The following TMC6 variants were observed in gnomAD, a reference collection of about 807,000 sequenced individuals.
TMC6 encodes transmembrane channel like 6.
In TMC6, 71 loss-of-function variants were observed where a neutral mutation model predicts 95.4. That is an observed-to-expected ratio of 0.74 (90% CI 0.61 to 0.91). TMC6 has a LOEUF of 0.91. Ranked by LOEUF, TMC6 falls within the 40% of genes least tolerant of loss-of-function variation. TMC6 has a pLI of 0.00. For missense variants in TMC6, 1,074 were observed against 1,079.1 expected (o/e 1.00, Z 0.07); for synonymous variants, 514 against 483.1 (o/e 1.06, Z -0.84).
chr17:78,122,487 C>T lies in TMC6; in HGVS notation c.1227+118G>A. On this transcript the variant is annotated intron_variant, in intron 10 of 19. Transcript: ENST00000590602. The surrounding 1 kb of genome is among the most constrained non-coding windows in gnomAD (Gnocchi z 4.9). Reference sequence around the variant, plus strand: ...CGCCTGCCCAGCGCCCCGAGTTCAGCTCACGGACAGCTGGCCCTCCCTCTA... The same window carrying T: ...CGCCTGCCCAGCGCCCCGAGTTCAGTTCACGGACAGCTGGCCCTCCCTCTA... The T allele has an allele frequency of 2.0e-6, 3 of 1,480,108 alleles. No individual in the cohort carries two copies. Among genetic ancestry groups the T allele is most frequent in the Non-Finnish European group, 2.7e-6 (3 of 1,101,866 alleles). The allele number at this position is 1,480,108 out of a possible 1,614,324, so 91.7% of individuals were successfully genotyped here. A position where few individuals can be genotyped will look rare whatever the true frequency, so the allele number is the denominator to read the frequency against.
Position 78,122,456 on chromosome 17 carries a change from A to G in TMC6, c.1227+149T>C. 2 of 1,198,066 alleles carry G rather than the reference A, an allele frequency of 1.7e-6. No homozygotes were observed. Among genetic ancestry groups the G allele is most frequent in the Non-Finnish European group, 2.3e-6 (2 of 868,790 alleles). The allele number at this position is 1,198,066 out of a possible 1,614,324, so 74.2% of individuals were successfully genotyped here. On this transcript the variant is annotated intron_variant, in intron 10 of 19. Transcript: ENST00000590602. This position sits in a 1 kb window ranked among gnomAD's most constrained non-coding sequence, Gnocchi z 4.9. ...GGGCCTGCCCGTCACTGCAAGCAGA[A>G]GACCACGCCTGCCCAGCGCCCCGAG...
chr17:78,110,263 C>G lies in TMC6; in HGVS notation c.*2885G>C, dbSNP rs1241980070. The G allele has an allele frequency of 6.6e-6, 1 of 151,986 alleles. No individual in the cohort carries two copies. Among genetic ancestry groups the G allele is most frequent in the Non-Finnish European group, 1.5e-5 (1 of 68,116 alleles). The allele number at this position is 151,986 out of a possible 1,614,324, so 9.4% of individuals were successfully genotyped here. ...GTGGTTCATGTCTGTAATCCCAGCA[C>G]TTTGGGAGGCCGAGGCGGGCAGATC... On this transcript the variant is annotated 3_prime_UTR_variant, in exon 20 of 20. Coordinates refer to ENST00000590602, the MANE Select transcript of TMC6 (RefSeq NM_001127198.5).
At chr17:78,130,037 C>A (rs542093458), upstream of TMC6, among the ~76,000 whole-genome samples, 1 of 152,310 alleles carries the variant, frequency 6.6e-6, no homozygotes, top group Non-Finnish European at 1.5e-5. Context: ...CCTGAGATGA[C>A]TGGGCCCTAT....
chr17:78,116,756 TGTACTCCCA>T, intron 18 of TMC6, among the ~76,000 whole-genome samples: 1 of 152,270 alleles, frequency 6.6e-6, no homozygotes, highest in East Asian at 1.9e-4. Context: ...CGGCAGGCCC[TGTACTCCCA>T]GCTACTCGGG....
At chr17:78,114,824 A>G (rs1453160931) in intron 18 of TMC6, among the ~76,000 whole-genome samples, 1 of 152,200 alleles carries the variant, frequency 6.6e-6, no homozygotes, top group Non-Finnish European at 1.5e-5. Context: ...ACTCAGACCG[A>G]CAGCCCCAAA....
Position 78,122,672 on chromosome 17 carries a change from C to A in TMC6, c.1160G>T (p.Trp387Leu). Reference protein sequence around the residue: ...GIHAITVFCSWDYKVTQKRAS... With the variant: ...GIHAITVFCSLDYKVTQKRAS... ...CCGCTTCTGCGTCACCTTGTAGTCC[C>A]AGGAGCAGAAGACGGTGATGGCGTG... The change falls in exon 10 of 20, where the codon TGG becomes TTG. Residue 387 changes from tryptophan to leucine, a missense_variant. By Grantham distance (61) the Trp-to-Leu change is moderately conservative. Coordinates refer to ENST00000590602, the MANE Select transcript of TMC6 (RefSeq NM_001127198.5). This position sits in a 1 kb window ranked among gnomAD's most constrained non-coding sequence, Gnocchi z 4.9. 6.2e-7 allele frequency: 1 copy of A among 1,612,170 alleles called. No homozygotes were observed.
At chr17:78,118,576 A>AT (rs57053096) in intron 15 of TMC6, among the ~76,000 whole-genome samples, 1 of 147,976 alleles carries the variant, frequency 6.8e-6, no homozygotes, top group Non-Finnish European at 1.5e-5. Flanking sequence ...ATAAAATAAA[A>AT]AGACAGGAGC....
intron 18 of TMC6, among the ~76,000 whole-genome samples, chr17:78,115,614 G>GAGGGGCGAAGGGAGTGGGGCAC (rs1555651456): frequency 1.4e-5 from 2 of 140,190 alleles, no homozygotes; most frequent in African/African-American, 5.4e-5. Flanking sequence ...CCTGGGCAGA[G>GAGGGGCGAAGGGAGTGGGGCAC]AGGAGCGAAG....
rs1555651456 is a variant in TMC6, at chr17:78,115,614, G to GAGGGGCGAAGGGAGTGGGCAC, written c.2277+1654_2277+1655insGTGCCCACTCCCTTCGCCCCT. ...GGGCAAGGAGGTCCTCCTGGGCAGA[G>GAGGGGCGAAGGGAGTGGGCAC]AGGAGCGAAGGGAGTGGGCACAGGG... On this transcript the variant is annotated intron_variant, in intron 18 of 19. Coordinates refer to ENST00000590602, the MANE Select transcript of TMC6 (RefSeq NM_001127198.5). Among the ~76,000 whole-genome samples the GAGGGGCGAAGGGAGTGGGCAC allele has an allele frequency of 1.8e-3, 253 of 140,302 alleles. 13 individuals are homozygous for GAGGGGCGAAGGGAGTGGGCAC. Among genetic ancestry groups the GAGGGGCGAAGGGAGTGGGCAC allele is most frequent in the African/African-American group, 4.7e-3 (176 of 37,326 alleles). The allele number at this position is 140,302 out of a possible 152,430, so 92.0% of individuals were successfully genotyped here.
intron 13 of TMC6, chr17:78,119,971 T>C (rs1039996612): frequency 1.4e-4 from 52 of 367,906 alleles, no homozygotes; most frequent in African/African-American, 1.1e-3. Context: ...TTTAATCTTA[T>C]TTTTTATTAT....
Position 78,121,443 on chromosome 17 carries a change from C to T in TMC6, c.1383+113G>A, listed in dbSNP as rs1190789422. The T allele has an allele frequency of 1.3e-6, 2 of 1,550,080 alleles. No homozygotes were observed. The highest frequency in any genetic ancestry group is 2.7e-5 in the African/African-American group (2 of 73,470). On this transcript the variant is annotated intron_variant, in intron 11 of 19. Transcript: ENST00000590602. This position sits in a 1 kb window ranked among gnomAD's most constrained non-coding sequence, Gnocchi z 5.6. The stretch of plus-strand genomic sequence containing the variant: ...GCACGGGGCACAGCGTACGTGGCAC[C>T]CTGGGCTGGCTGGGTGGAGGAGGAG...
At chr17:78,125,077 C>T in intron 6 of TMC6, 81 bp downstream of exon 6, 1 of 1,541,552 alleles carries the variant, frequency 6.5e-7, no homozygotes, top group Non-Finnish European at 8.7e-7. Flanking sequence ...TCAGCCCCTT[C>T]TCCCCCACCA....
chr17:78,122,513 G>C lies in TMC6; in HGVS notation c.1227+92C>G. On this transcript the variant is annotated intron_variant, in intron 10 of 19. Coordinates refer to ENST00000590602, the MANE Select transcript of TMC6 (RefSeq NM_001127198.5). This position sits in a 1 kb window ranked among gnomAD's most constrained non-coding sequence, Gnocchi z 4.9. ...TCACGGACAGCTGGCCCTCCCTCTA[G>C]ACCATGGTTCTGGTCACATGGTCCT... 1.9e-6 allele frequency: 3 copies of C among 1,564,320 alleles called. No individual in the cohort carries two copies. The highest frequency in any genetic ancestry group is 1.7e-6 in the Non-Finnish European group (2 of 1,158,080).
At chr17:78,120,195 T>G in intron 13 of TMC6, 1 of 329,636 alleles carries the variant, frequency 3.0e-6, no homozygotes. Context: ...AGTCTTGCTC[T>G]GTCGCCCGGG....
chr17:78,125,164 C>T lies in TMC6; in HGVS notation c.530G>A (p.Ser177Asn). The change falls in exon 6 of 20, where the codon AGC becomes AAC. Residue 177 changes from serine (S) to asparagine (N), a missense_variant. Ser to Asn is a conservative substitution (Grantham distance 46, BLOSUM62 1). Transcript: ENST00000590602. ...CAGGGTCGGGGCTGCTCACCGCAGG[C>T]TGCGTTTCTCAGCCAGGCTTAAGGG... is the stretch of plus-strand genomic sequence containing the variant. ...GMPLSLAEKR[S>N]LREKSRTPRG... 2.6e-6 allele frequency: 4 copies of T among 1,565,472 alleles called. No homozygotes were observed. Among genetic ancestry groups the T allele is most frequent in the Non-Finnish European group, 3.5e-6 (4 of 1,155,056 alleles).
rs560972179 is a variant in TMC6 at position 78,128,437 on chromosome 17, G to A, written c.-75+175C>T. On this transcript the variant is annotated intron_variant, in intron 1 of 19. Transcript: ENST00000590602. This position sits in a 1 kb window ranked among gnomAD's most constrained non-coding sequence, Gnocchi z 4.0. Reference sequence around the variant, plus strand: ...GTCCTCCCCGCCCCTGCCGCTCCCAGCTCTGTCCGAGCCGGAGGGTCAAGC... The same window carrying A: ...GTCCTCCCCGCCCCTGCCGCTCCCAACTCTGTCCGAGCCGGAGGGTCAAGC... Among the ~76,000 whole-genome samples the A allele has an allele frequency of 5.3e-5, 8 of 152,254 alleles. No homozygotes were observed. The highest frequency in any genetic ancestry group is 1.2e-4 in the Non-Finnish European group (8 of 67,982).
rs753984233 is a variant in TMC6, at chr17:78,128,027, A to T, written c.-75+585T>A. Among the ~76,000 whole-genome samples the T allele has an allele frequency of 1.3e-5, 2 of 152,212 alleles. No homozygotes were observed. Among genetic ancestry groups the T allele is most frequent in the Non-Finnish European group, 1.5e-5 (1 of 68,034 alleles). On this transcript the variant is annotated intron_variant, in intron 1 of 19. Transcript: ENST00000590602. The surrounding 1 kb of genome is among the most constrained non-coding windows in gnomAD (Gnocchi z 4.0). The stretch of plus-strand genomic sequence containing the variant: ...CCCTAGAGCTGGAATCCCTTCCTCC[A>T]GACAGGCCCTTCTAAGCTCAGGGAA...
At chr17:78,114,408 TC>T (rs1290012886) in intron 18 of TMC6, among the ~76,000 whole-genome samples, 1 of 152,000 alleles carries the variant, frequency 6.6e-6, no homozygotes, top group Non-Finnish European at 1.5e-5. Context: ...CAATCGTAAT[TC>T]CCCAGCCACG....
intron 13 of TMC6, chr17:78,120,161 T>A (rs1457627870): frequency 7.0e-6 from 2 of 286,256 alleles, no homozygotes; most frequent in Non-Finnish European, 1.4e-5. Flanking sequence ...ACTTTTTTTT[T>A]TTTTTTTTTT....
Sources: allele counts gnomAD v4.1 joint callset (sites outside exome capture counted in the v4.1 genomes callset), GRCh38; gene constraint gnomAD v4.1.1; non-coding constraint Gnocchi (gnomAD v3.1); transcripts MANE v1.5; gene names NCBI Gene and HGNC (gene_info 2026-07-23, HGNC 2026-07-21).